Variants in KCNQ3 observed in about 807,000 individuals in gnomAD.
KCNQ3 encodes potassium voltage-gated channel subfamily KQT member 3.
Under a neutral mutation model 92.5 loss-of-function variants are expected in KCNQ3, and 30 were observed. The ratio of observed to expected loss-of-function variants is 0.32; its 90% CI spans 0.24 to 0.44. The LOEUF (loss-of-function observed/expected upper bound fraction) is 0.44. KCNQ3 is among the 20% of genes least tolerant of loss of function. The pLI is 1.00. For synonymous variants in KCNQ3, 450 were observed against 468.8 expected, an observed-to-expected ratio of 0.96 and a Z score of 0.52; for missense variants, 913 against 1,140.3, an observed-to-expected ratio of 0.80 and a Z score of 2.87.
In KCNQ3 at chr8:132,125,064, G is replaced by A. The variant is rs1824619293; in HGVS notation, c.*4198C>T. The A allele has an allele frequency of 6.6e-6, 1 of 152,186 alleles. No individual in the cohort carries two copies. Among genetic ancestry groups the A allele is most frequent in the Non-Finnish European group, 1.5e-5 (1 of 68,032 alleles). The allele number at this position is 152,186 out of a possible 1,614,324, so 9.4% of individuals were successfully genotyped here. ...TCTTGGTCAACATAATGAAATGAAA[G>A]TAACTCAGCTCCTTGACTGGTATCA... On this transcript the variant is annotated 3_prime_UTR_variant, in exon 15 of 15. Transcript: ENST00000388996.
intron 1 of KCNQ3, among the ~76,000 whole-genome samples, chr8:132,245,304 A>C (rs1388847811): frequency 6.6e-6 from 1 of 152,184 alleles, no homozygotes; most frequent in Admixed American, 6.5e-5. Context: ...CATCCCCTGC[A>C]GTTTCTTCCT....
intron 1 of KCNQ3, among the ~76,000 whole-genome samples, chr8:132,319,637 C>T (rs760884504): frequency 9.2e-5 from 14 of 152,288 alleles, no homozygotes; most frequent in Admixed American, 2.6e-4. Context: ...CGAGCTGCCA[C>T]GACGAAGCAG....
intron 1 of KCNQ3, among the ~76,000 whole-genome samples, chr8:132,310,947 CTT>C (rs1159827165): frequency 1.4e-5 from 2 of 140,628 alleles, no homozygotes; most frequent in African/African-American, 5.2e-5. Context: ...TTTTTTTTTT[CTT>C]TTTTTTTTTT....
At chr8:132,416,865 C>G (rs934551276) in intron 1 of KCNQ3, among the ~76,000 whole-genome samples, 6 of 152,124 alleles carry the variant, frequency 3.9e-5, no homozygotes, top group African/African-American at 1.4e-4. Flanking sequence ...AAGGGTGTCC[C>G]TCTGAACTGA....
intron 1 of KCNQ3, among the ~76,000 whole-genome samples, chr8:132,229,280 C>A (rs1323384827): frequency 6.7e-6 from 1 of 148,478 alleles, no homozygotes; most frequent in Admixed American, 6.7e-5. Context: ...AAAAAAAATT[C>A]TGGATATGAG....
intron 1 of KCNQ3, among the ~76,000 whole-genome samples, chr8:132,469,268 C>A (rs370007958): frequency 2.6e-5 from 4 of 152,222 alleles, no homozygotes; most frequent in East Asian, 3.8e-4. Context: ...TGTGCATGGG[C>A]AGATGCTTGA....
At chr8:132,232,209 A>G (rs893135042) in intron 1 of KCNQ3, among the ~76,000 whole-genome samples, 1 of 152,226 alleles carries the variant, frequency 6.6e-6, no homozygotes, top group Non-Finnish European at 1.5e-5. Flanking sequence ...CACTTCAAGC[A>G]TTACTGTAGC....
rs1293079336 is a variant in KCNQ3 at position 132,480,487 on chromosome 8, C to A, written c.46G>T (p.Gly16Cys). The change falls in exon 1 of 15, where the codon GGC becomes TGC. Residue 16 changes from glycine (G) to cysteine (C), a missense_variant. Coordinates refer to ENST00000388996, the MANE Select transcript of KCNQ3 (RefSeq NM_004519.4). ...CCGCCGCCTCCGCCGCCCCCGTCGC[C>A]GCCGCCGCCAGCCGCCCCCGCCGCC... ...RRAAGAAGGG[G>C]DGGGGGGGAA... 5.8e-6 allele frequency: 7 copies of A among 1,204,582 alleles called. No homozygotes were observed. The highest frequency in any genetic ancestry group is 6.2e-6 in the Non-Finnish European group (6 of 975,102). The allele number at this position is 1,204,582 out of a possible 1,614,324, so 74.6% of individuals were successfully genotyped here.
At chr8:132,248,316 AC>A (rs893854988) in intron 1 of KCNQ3, among the ~76,000 whole-genome samples, 3 of 138,376 alleles carry the variant, frequency 2.2e-5, no homozygotes, top group African/African-American at 5.4e-5. Context: ...TGATCCATGG[AC>A]CTTTTTTAGT....
chr8:132,440,335 T>C (rs1821503217), intron 1 of KCNQ3, among the ~76,000 whole-genome samples: 1 of 152,124 alleles, frequency 6.6e-6, no homozygotes, highest in Non-Finnish European at 1.5e-5. Context: ...TTTCCACCGT[T>C]TTCCCTGCTG....
intron 1 of KCNQ3, among the ~76,000 whole-genome samples, chr8:132,344,921 G>A (rs1469864687): frequency 2.0e-5 from 3 of 152,136 alleles, no homozygotes; most frequent in Non-Finnish European, 2.9e-5. Flanking sequence ...AAAGACAAAG[G>A]ATGTGAAGTA....
intron 1 of KCNQ3, among the ~76,000 whole-genome samples, chr8:132,380,363 T>C (rs1819715200): frequency 6.6e-6 from 1 of 152,166 alleles, no homozygotes; most frequent in African/African-American, 2.4e-5. Flanking sequence ...AGCATCTCAA[T>C]GGCTACTTTA....
intron 1 of KCNQ3, among the ~76,000 whole-genome samples, chr8:132,281,301 T>C (rs1386632771): frequency 6.6e-6 from 1 of 152,126 alleles, no homozygotes; most frequent in African/African-American, 2.4e-5. Flanking sequence ...AGGCATGTGG[T>C]GGCACTCCCC....
intron 1 of KCNQ3, among the ~76,000 whole-genome samples, chr8:132,475,796 T>G (rs1218060277): frequency 2.0e-5 from 3 of 152,236 alleles, no homozygotes; most frequent in Non-Finnish European, 4.4e-5. Flanking sequence ...TCAAGCCAGC[T>G]GCAGAAATAT....
intron 1 of KCNQ3, among the ~76,000 whole-genome samples, chr8:132,193,419 G>A (rs1483548975): frequency 6.6e-6 from 1 of 152,240 alleles, no homozygotes; most frequent in Non-Finnish European, 1.5e-5. Flanking sequence ...ACAGGAACCA[G>A]TGCGAGCTGT....
chr8:132,466,726 G>A (rs992618072), intron 1 of KCNQ3, among the ~76,000 whole-genome samples: 1 of 152,088 alleles, frequency 6.6e-6, no homozygotes. Flanking sequence ...GCATTCCAGG[G>A]GGCAAAATTC....
intron 1 of KCNQ3, among the ~76,000 whole-genome samples, chr8:132,334,831 A>G (rs1157635349): frequency 6.6e-6 from 1 of 152,064 alleles, no homozygotes; most frequent in African/African-American, 2.4e-5. Context: ...CTCCTCTTGA[A>G]TCCCACTGCC....
Position 132,480,873 on chromosome 8 carries a change from G to T in KCNQ3, c.-341C>A. On this transcript the variant is annotated 5_prime_UTR_variant, in exon 1 of 15. Transcript: ENST00000388996. ...GGCGGGAGCCTGGAACCGGCGCTCC[G>T]GGGCGGCGGCGGCGGCGGCGGCACC... The T allele has an allele frequency of 6.4e-6, 1 of 155,842 alleles. No individual in the cohort carries two copies. Among genetic ancestry groups the T allele is most frequent in the Non-Finnish European group, 1.4e-5 (1 of 72,196 alleles). 9.7% of individuals were successfully genotyped at this position (155,842 alleles called of 1,614,324 possible).
At chr8:132,444,487 G>C in intron 1 of KCNQ3, among the ~76,000 whole-genome samples, 1 of 152,200 alleles carries the variant, frequency 6.6e-6, no homozygotes, top group East Asian at 1.9e-4. Context: ...GACAGGAGCT[G>C]GTGCTTTGCA....
Sources: gnomAD v4.1 joint callset for allele counts (sites outside exome capture counted in the v4.1 genomes callset) on GRCh38, gnomAD v4.1.1 for gene constraint, MANE v1.5 for transcripts, NCBI Gene and HGNC (gene_info 2026-07-23, HGNC 2026-07-21) for gene names.